The following PARD6G variants were observed in gnomAD, a reference collection of about 807,000 sequenced individuals.
The protein encoded by PARD6G is par-6 family cell polarity regulator gamma.
In PARD6G, 7 loss-of-function variants were observed where a neutral mutation model predicts 10.7. That is an observed-to-expected ratio of 0.66 (90% CI 0.37 to 1.23). The LOEUF is 1.23. PARD6G is among the 50% of genes most tolerant of loss of function. The probability of loss-of-function intolerance (pLI) is 0.02; values close to 1 mark genes in which losing one functional copy is unlikely to be tolerated. For missense variants in PARD6G, 548 were observed against 571.8 expected, an observed-to-expected ratio of 0.96 and a Z score of 0.42; for synonymous variants, 287 against 269.4, an observed-to-expected ratio of 1.07 and a Z score of -0.64.
intron 1 of PARD6G, among the ~76,000 whole-genome samples, chr18:80,233,245 A>T (rs1234509985): frequency 6.6e-6 from 1 of 152,242 alleles, no homozygotes; most frequent in Non-Finnish European, 1.5e-5. Flanking sequence ...TAAACAAAAC[A>T]AAGCCACCTG....
At chr18:80,167,746 C>G (rs1253021110) in intron 2 of PARD6G, among the ~76,000 whole-genome samples, 1 of 152,078 alleles carries the variant, frequency 6.6e-6, no homozygotes, top group African/African-American at 2.4e-5. Context: ...AGTGTATCCC[C>G]TCATGGTGCA....
At chr18:80,195,572 T>TATATAC (rs894731117) in intron 2 of PARD6G, among the ~76,000 whole-genome samples, 8 of 87,334 alleles carry the variant, frequency 9.2e-5, no homozygotes, top group South Asian at 9.0e-4. Flanking sequence ...TATATATATA[T>TATATAC]ACACACATTT....
intron 2 of PARD6G, among the ~76,000 whole-genome samples, chr18:80,191,676 C>T (rs574915299): frequency 6.6e-6 from 1 of 152,174 alleles, no homozygotes; most frequent in Non-Finnish European, 1.5e-5. Context: ...GGGCATATGC[C>T]ACAATTTAAA....
intron 2 of PARD6G, among the ~76,000 whole-genome samples, chr18:80,167,556 CCAGA>C (rs1234794692): frequency 6.6e-6 from 1 of 152,110 alleles, no homozygotes; most frequent in Non-Finnish European, 1.5e-5. Context: ...CACCATGTTT[CCAGA>C]CAGACTTGGG....
intron 2 of PARD6G, chr18:80,169,895 T>A (rs1255272886): frequency 6.6e-6 from 1 of 152,068 alleles, no homozygotes; most frequent in Non-Finnish European, 1.5e-5. Flanking sequence ...CCAGCTTAAA[T>A]GGTAAGAAAT....
chr18:80,243,985 G>A (rs1967516350), intron 1 of PARD6G, among the ~76,000 whole-genome samples: 1 of 152,192 alleles, frequency 6.6e-6, no homozygotes, highest in Non-Finnish European at 1.5e-5. Context: ...GCGGACGACA[G>A]TGGAATTGAC....
chr18:80,239,224 G>C (rs1178693986), intron 1 of PARD6G, among the ~76,000 whole-genome samples: 2 of 151,540 alleles, frequency 1.3e-5, no homozygotes, highest in African/African-American at 4.8e-5. Flanking sequence ...GAGAAGAGGG[G>C]GTCGAAGGTA....
chr18:80,216,958 T>C (rs1383295525), intron 1 of PARD6G, among the ~76,000 whole-genome samples: 4 of 152,136 alleles, frequency 2.6e-5, no homozygotes, highest in Non-Finnish European at 4.4e-5. Flanking sequence ...TCAAGGATTA[T>C]AAACATTCTA....
chr18:80,227,659 T>C (rs1057261644), intron 1 of PARD6G, among the ~76,000 whole-genome samples: 2 of 152,228 alleles, frequency 1.3e-5, no homozygotes, highest in African/African-American at 2.4e-5. Flanking sequence ...ACACACCAGG[T>C]AGTGTTCCAC....
chr18:80,230,259 C>T (rs1173186054), intron 1 of PARD6G, among the ~76,000 whole-genome samples: 1 of 152,234 alleles, frequency 6.6e-6, no homozygotes, highest in Non-Finnish European at 1.5e-5. Context: ...GACCTTCAAG[C>T]CGGGGAGCAC....
intron 2 of PARD6G, among the ~76,000 whole-genome samples, chr18:80,195,229 A>G (rs945087919): frequency 2.6e-5 from 4 of 152,154 alleles, no homozygotes; most frequent in Admixed American, 1.3e-4. Context: ...ACTCTGGCCA[A>G]CTGACAGGTA....
rs1967552484 is a variant in PARD6G, at chr18:80,246,645, G to C, written c.72+632C>G. Reference sequence around the variant, plus strand: ...GGCGCGCCCGTGGGGGTGGGGTGGGGTGTCTGGCCCGGGGACGCGCCCGGG... The same window carrying C: ...GGCGCGCCCGTGGGGGTGGGGTGGGCTGTCTGGCCCGGGGACGCGCCCGGG... On this transcript the variant is annotated intron_variant, in intron 1 of 2. Transcript: ENST00000353265. The surrounding 1 kb of genome is among the most constrained non-coding windows in gnomAD (Gnocchi z 6.7). Among the ~76,000 whole-genome samples the C allele has an allele frequency of 4.7e-5, 7 of 150,036 alleles. No homozygotes were observed. Among genetic ancestry groups the C allele is most frequent in the Admixed American group, 4.6e-4 (7 of 15,152 alleles).
chr18:80,237,782 C>G (rs926775061), intron 1 of PARD6G, among the ~76,000 whole-genome samples: 6 of 152,130 alleles, frequency 3.9e-5, no homozygotes, highest in Non-Finnish European at 7.4e-5. Context: ...AAATGCAAAT[C>G]AAAACCACAA....
intron 2 of PARD6G, among the ~76,000 whole-genome samples, chr18:80,177,545 C>A (rs937218208): frequency 6.7e-6 from 1 of 149,294 alleles, no homozygotes; most frequent in Non-Finnish European, 1.5e-5. Flanking sequence ...CGCGGGCACA[C>A]ACACACAGGA....
Position 80,160,250 on chromosome 18 carries a change from CCAGGACCT to C in PARD6G, c.644_651del (p.Glu215GlyfsTer6). 1.2e-6 allele frequency: 2 copies of C among 1,612,922 alleles called. No individual in the cohort carries two copies. The highest frequency in any genetic ancestry group is 1.7e-6 in the Non-Finnish European group (2 of 1,179,846). ...CCGGCCACCTCAATGCCGTTCACCT[CCAGGACCT>C]CGTCATTCACAGCCAGCAGCCCGGT... On this transcript the variant is annotated frameshift_variant, in exon 3 of 3. Coordinates refer to ENST00000353265, the MANE Select transcript of PARD6G (RefSeq NM_032510.4). LOFTEE classifies it low-confidence loss of function (END_TRUNC).
intron 1 of PARD6G, among the ~76,000 whole-genome samples, chr18:80,235,720 T>C (rs1393798704): frequency 6.6e-6 from 1 of 152,108 alleles, no homozygotes; most frequent in Non-Finnish European, 1.5e-5. Flanking sequence ...GAGAATACTA[T>C]AAACACCTCT....
At position 80,245,946 on chromosome 18, in the gene PARD6G, T is replaced by C. The variant is rs529986314; in HGVS notation, c.72+1331A>G. On this transcript the variant is annotated intron_variant, in intron 1 of 2. Transcript: ENST00000353265. Reference sequence around the variant, plus strand: ...TGTACCCCTAAGCAGAGAAGGATCCTGCAACTCACTGTAGCAGGCTGGAGA... The same window carrying C: ...TGTACCCCTAAGCAGAGAAGGATCCCGCAACTCACTGTAGCAGGCTGGAGA... Among the ~76,000 whole-genome samples the C allele has an allele frequency of 6.6e-5, 10 of 152,212 alleles. No homozygotes were observed. In the South Asian group the frequency reaches 1.5e-3, roughly 22 times the overall value.
At chr18:80,236,945 A>G (rs754174904) in intron 1 of PARD6G, among the ~76,000 whole-genome samples, 2 of 152,214 alleles carry the variant, frequency 1.3e-5, no homozygotes, top group African/African-American at 2.4e-5. Flanking sequence ...TACAGATTCA[A>G]TGCCATCCCC....
chr18:80,160,598 C>T lies in PARD6G; in HGVS notation c.304G>A (p.Glu102Lys), dbSNP rs1313759632. Reference protein sequence around the residue: ...RVFIQKREEAERGSLGAGSLC... With the variant: ...RVFIQKREEAKRGSLGAGSLC... ...GAGCCCGCGCCGAGGCTGCCACGCT[C>T]GGCCTCCTCTGCGGGAGAGGGGACA... is the stretch of plus-strand genomic sequence containing the variant. The change falls in exon 3 of 3, where the codon GAG becomes AAG. Residue 102 changes from glutamate to lysine, a missense_variant. Around this residue, in one of 2 missense-constraint regions of PARD6G, gnomAD observed 235 missense variants for 291.9 expected, o/e 0.81. Transcript: ENST00000353265. 21 of 1,446,498 alleles carry T rather than the reference C, an allele frequency of 1.5e-5. No homozygotes were observed. The highest frequency in any genetic ancestry group is 2.9e-5 in the Admixed American group (1 of 35,082). 89.6% of individuals were successfully genotyped at this position (1,446,498 alleles called of 1,614,324 possible).
Sources: allele counts gnomAD v4.1 joint callset (sites outside exome capture counted in the v4.1 genomes callset), GRCh38; gene constraint gnomAD v4.1.1; regional missense constraint gnomAD v4.1.1; non-coding constraint Gnocchi (gnomAD v3.1); transcripts MANE v1.5; gene names NCBI Gene and HGNC (gene_info 2026-07-23, HGNC 2026-07-21).